The following FRMPD4 variants were observed in gnomAD, a reference collection of about 807,000 sequenced individuals.
FRMPD4 encodes the protein FERM and PDZ domain containing 4, also known as FERM and PDZ domain-containing protein 4.
FRMPD4 carries 22 observed loss-of-function variants against 94.1 expected under a neutral mutation model. The observed-to-expected ratio is 0.23, with a 90% CI of 0.17 to 0.33. The LOEUF is 0.33. FRMPD4 is among the 10% of genes least tolerant of loss of function. The pLI, the probability that FRMPD4 is intolerant of heterozygous loss-of-function variation, is 1.00. For synonymous variants in FRMPD4, 631 were observed against 548.6 expected, an observed-to-expected ratio of 1.15 and a Z score of -2.10; for missense variants, 1,111 against 1,339.9, an observed-to-expected ratio of 0.83 and a Z score of 2.67.
At chrX:11,922,746 A>G (rs748927053) in intron 3 of FRMPD4, among the ~76,000 whole-genome samples, 1 of 112,825 alleles carries the variant, frequency 8.9e-6, no homozygotes, top group African/African-American at 3.2e-5. Flanking sequence ...TGTGGAGCCC[A>G]GAGGGTTCGG....
At chrX:12,474,730 C>T (rs945282077) in intron 1 of FRMPD4, among the ~76,000 whole-genome samples, 4 of 111,436 alleles carry the variant, frequency 3.6e-5, no homozygotes, top group Admixed American at 2.9e-4. Flanking sequence ...ATAAATTCCT[C>T]GACACATACA....
chrX:12,719,797 C>T (rs546548326), intron 16 of FRMPD4, among the ~76,000 whole-genome samples: 13 of 110,517 alleles, frequency 1.2e-4, no homozygotes, highest in Middle Eastern at 4.6e-3. Context: ...TTGCTTCTCA[C>T]AAAAATTCTG....
intron 3 of FRMPD4, among the ~76,000 whole-genome samples, chrX:11,922,890 G>A (rs140150502): frequency 8.9e-6 from 1 of 112,837 alleles, no homozygotes; most frequent in African/African-American, 3.2e-5. Context: ...ATCAGATGGG[G>A]CAGGTCTGAC....
chrX:12,000,087 T>C (rs1457971568), intron 3 of FRMPD4, among the ~76,000 whole-genome samples: 1 of 112,369 alleles, frequency 8.9e-6, no homozygotes, highest in African/African-American at 3.2e-5. Context: ...TTATTACTTT[T>C]TTAATTATAC....
chrX:12,436,120 G>A (rs750891942), intron 1 of FRMPD4, among the ~76,000 whole-genome samples: 3 of 110,519 alleles, frequency 2.7e-5, no homozygotes, highest in African/African-American at 9.9e-5. Context: ...ATTCTCGTGC[G>A]TCAGCCTCCA....
chrX:12,583,415 C>A (rs757016130), intron 2 of FRMPD4: 10 of 1,178,238 alleles, frequency 8.5e-6, no homozygotes, highest in African/African-American at 1.8e-5. Flanking sequence ...GCACACTCAC[C>A]GAACATGGCT....
intron 3 of FRMPD4, among the ~76,000 whole-genome samples, chrX:11,948,199 T>G (rs2054200650): frequency 9.0e-6 from 1 of 111,090 alleles, no homozygotes; most frequent in Non-Finnish European, 1.9e-5. Flanking sequence ...TCTTTGGTGT[T>G]GTGGACTGAA....
At chrX:11,830,468 T>A (rs937212138) in intron 1 of FRMPD4, among the ~76,000 whole-genome samples, 14 of 111,717 alleles carry the variant, frequency 1.3e-4, no homozygotes, top group African/African-American at 4.5e-4. Context: ...CTGGAGCCAC[T>A]TGAAAACATA....
At chrX:12,260,945 C>G (rs1402181509) in intron 1 of FRMPD4, among the ~76,000 whole-genome samples, 1 of 111,533 alleles carries the variant, frequency 9.0e-6, no homozygotes, top group Non-Finnish European at 1.9e-5. Flanking sequence ...GCCCAAACAG[C>G]CCTCCCCTGG....
At chrX:12,452,724 A>G (rs781737443) in intron 1 of FRMPD4, among the ~76,000 whole-genome samples, 5 of 112,525 alleles carry the variant, frequency 4.4e-5, no homozygotes, top group Non-Finnish European at 9.4e-5. Context: ...ATAAATGTTG[A>G]AACAGGTCCA....
intron 1 of FRMPD4, among the ~76,000 whole-genome samples, chrX:12,205,055 A>G (rs1266535006): frequency 5.6e-5 from 6 of 107,559 alleles, no homozygotes; most frequent in African/African-American, 2.0e-4. Context: ...GTGCTCTTCA[A>G]CCAAGCTGGA....
chrX:12,063,360 C>A (rs779938725), intron 3 of FRMPD4, among the ~76,000 whole-genome samples: 2 of 111,433 alleles, frequency 1.8e-5, no homozygotes, highest in South Asian at 7.6e-4. Context: ...CAGAGTGAGA[C>A]CACATTTCAA....
At chrX:12,267,660 T>A (rs1244088342) in intron 1 of FRMPD4, among the ~76,000 whole-genome samples, 1 of 112,850 alleles carries the variant, frequency 8.9e-6, no homozygotes, top group Non-Finnish European at 1.9e-5. Context: ...AATCTGGTGT[T>A]CATTTGCTTT....
At chrX:12,685,679 C>T (rs183071871) in intron 6 of FRMPD4, among the ~76,000 whole-genome samples, 3 of 112,043 alleles carry the variant, frequency 2.7e-5, no homozygotes, top group Non-Finnish European at 3.8e-5. Flanking sequence ...TAACTTTATA[C>T]TTGAAGCTTA....
intron 3 of FRMPD4, among the ~76,000 whole-genome samples, chrX:12,114,228 C>G (rs1277583549): frequency 9.0e-6 from 1 of 111,424 alleles, no homozygotes; most frequent in African/African-American, 3.3e-5. Flanking sequence ...AACTGTCACT[C>G]TTCTCATTTT....
At chrX:12,102,414 A>G (rs181256131) in intron 3 of FRMPD4, among the ~76,000 whole-genome samples, 467 of 112,101 alleles carry the variant, frequency 4.2e-3, no homozygotes, top group South Asian at 0.022. Flanking sequence ...TTGTACAAAC[A>G]GTAAGAAGTC....
At chrX:11,960,165 G>A (rs757854965) in intron 3 of FRMPD4, among the ~76,000 whole-genome samples, 4 of 112,150 alleles carry the variant, frequency 3.6e-5, no homozygotes, top group East Asian at 5.6e-4. Context: ...TTGTCAATAC[G>A]AAACTACTTT....
intron 4 of FRMPD4, among the ~76,000 whole-genome samples, chrX:12,619,842 G>A (rs988989703): frequency 9.0e-6 from 1 of 111,154 alleles, no homozygotes; most frequent in African/African-American, 3.3e-5. Context: ...CCAGAGGTAG[G>A]CCTAATGAAC....
At chrX:12,419,381 G>T (rs1302748503) in intron 1 of FRMPD4, among the ~76,000 whole-genome samples, 1 of 112,242 alleles carries the variant, frequency 8.9e-6, no homozygotes, top group African/African-American at 3.2e-5. Context: ...GTAAAAAGAT[G>T]CTGTTCTTCT....
Sources: allele counts gnomAD v4.1 joint callset (sites outside exome capture counted in the v4.1 genomes callset), GRCh38; gene constraint gnomAD v4.1.1; transcripts MANE v1.5; gene names NCBI Gene and HGNC (gene_info 2026-07-23, HGNC 2026-07-21).